KIF1C: variants seen among roughly 807,000 people sequenced by gnomAD.
KIF1C encodes kinesin family member 1C, also known as kinesin-like protein KIF1C.
In KIF1C, 61 loss-of-function variants were observed where a neutral mutation model predicts 126.5. The ratio of observed to expected loss-of-function variants is 0.48; its 90% CI spans 0.39 to 0.60. The LOEUF (loss-of-function observed/expected upper bound fraction) is 0.60. Among genes scored for constraint, KIF1C ranks in the 20% least tolerant of loss-of-function variants. The pLI is 0.00. For missense variants in KIF1C, 1,315 were observed against 1,489.2 expected (o/e 0.88, Z 1.93); for synonymous variants, 640 against 580.6 (o/e 1.10, Z -1.47).
At chr17:5,019,793 T>C (rs1271171502) in intron 18 of KIF1C, 1 of 593,364 alleles carries the variant, frequency 1.7e-6, no homozygotes, top group Non-Finnish European at 3.1e-6. Context: ...CTGGGAATTG[T>C]AGTTGGGGCT....
intron 16 of KIF1C, among the ~76,000 whole-genome samples, chr17:5,009,292 G>A (rs943923262): frequency 6.6e-6 from 1 of 151,522 alleles, no homozygotes; most frequent in Non-Finnish European, 1.5e-5. Context: ...CGATTCTTCT[G>A]CCTCAGCCTC....
intron 11 of KIF1C, 43 bp from the exon 12 acceptor site, chr17:5,004,524 G>A: frequency 1.3e-6 from 2 of 1,589,706 alleles, no homozygotes; most frequent in Non-Finnish European, 1.7e-6. Context: ...ACTTTGCTTA[G>A]CCCCTCCCTC....
chr17:5,006,331 G>A (rs998095647), intron 13 of KIF1C, among the ~76,000 whole-genome samples: 1 of 147,232 alleles, frequency 6.8e-6, no homozygotes, highest in Non-Finnish European at 1.5e-5. Flanking sequence ...CACTGTGTCC[G>A]GCCCAGCTAA....
chr17:5,019,090 C>T (rs755829467), intron 18 of KIF1C: 2 of 161,266 alleles, frequency 1.2e-5, no homozygotes, highest in Non-Finnish European at 2.9e-5. Flanking sequence ...AAGCTGAGTC[C>T]TCTGCTCTCC....
chr17:5,003,580 C>G (rs759249873), intron 8 of KIF1C, 32 bp from the exon 9 acceptor site: 2 of 1,548,258 alleles, frequency 1.3e-6, no homozygotes, highest in Admixed American at 1.8e-5. Flanking sequence ...CCCACCCGCA[C>G]CTTATCTCCT....
Position 5,024,956 on chromosome 17 carries a change from C to A in KIF1C, c.*805C>A, listed in dbSNP as rs1290419243. 1 of 152,016 alleles carries A rather than the reference C, an allele frequency of 6.6e-6. No homozygotes were observed. The highest frequency in any genetic ancestry group is 2.4e-5 in the African/African-American group (1 of 41,336). 9.4% of individuals were successfully genotyped at this position (152,016 alleles called of 1,614,324 possible). A position where few individuals can be genotyped will look rare whatever the true frequency, so the allele number is the denominator to read the frequency against. On this transcript the variant is annotated 3_prime_UTR_variant, in exon 23 of 23. Transcript: ENST00000320785. Reference sequence around the variant, plus strand: ...ACAGGGTCTTGCTTTGTTGCCCAGGCTGGAGGTACAGTCTTGGCTCACTGC... The same window carrying A: ...ACAGGGTCTTGCTTTGTTGCCCAGGATGGAGGTACAGTCTTGGCTCACTGC...
At chr17:5,017,052 C>T (rs1056386640) in intron 18 of KIF1C, among the ~76,000 whole-genome samples, 2 of 152,122 alleles carry the variant, frequency 1.3e-5, no homozygotes, top group African/African-American at 4.8e-5. Flanking sequence ...CAGTTCAGCC[C>T]AGTGAGTTAT....
Position 5,023,668 on chromosome 17 carries a change from G to A in KIF1C, c.2829G>A (p.Lys943=), listed in dbSNP as rs1597865754. ...GTCGTGGTCGTCTTCGCTGGCTCAA[G>A]CAGGAGCAGCTACGGCTGCAGGGAC... The part of the protein sequence containing the change: ...AFRRGRLRWL[K]QEQLRLQGLQ... The change falls in exon 23 of 23, where the codon AAG becomes AAA. Residue 943 remains lysine (K), a synonymous_variant. Transcript: ENST00000320785. The surrounding 1 kb of genome is among the most constrained non-coding windows in gnomAD (Gnocchi z 4.2). 6.2e-7 allele frequency: 1 copy of A among 1,609,772 alleles called. No individual in the cohort carries two copies. Among genetic ancestry groups the A allele is most frequent in the Non-Finnish European group, 8.5e-7 (1 of 1,177,594 alleles).
chr17:5,002,385 T>C (rs572965509), intron 6 of KIF1C, 79 bp from the exon 7 acceptor site: 29 of 1,340,646 alleles, frequency 2.2e-5, no homozygotes, highest in Non-Finnish European at 3.0e-5. Context: ...ACCTGGATCG[T>C]GTCCAGTGGA....
At chr17:5,002,315 T>G in intron 6 of KIF1C, 149 bp from the exon 7 acceptor site, 2 of 929,030 alleles carry the variant, frequency 2.2e-6, no homozygotes, top group Non-Finnish European at 3.4e-6. Context: ...TCCTGGCTTG[T>G]TGGGCAGGTC....
chr17:5,023,644 T>C lies in KIF1C; in HGVS notation c.2805T>C (p.Arg935=). The change falls in exon 23 of 23, where the codon CGT becomes CGC. Residue 935 remains arginine (R), a synonymous_variant. Transcript: ENST00000320785. The surrounding 1 kb of genome is among the most constrained non-coding windows in gnomAD (Gnocchi z 4.2). ...SRLMEEDPAF[R]RGRLRWLKQE... is the part of the protein sequence containing the mutation. ...TCATGGAGGAGGACCCTGCCTTCCG[T>C]CGTGGTCGTCTTCGCTGGCTCAAGC... is the stretch of plus-strand genomic sequence containing the variant. 1 of 1,612,852 alleles carries C rather than the reference T, an allele frequency of 6.2e-7. No homozygotes were observed. Among genetic ancestry groups the C allele is most frequent in the Non-Finnish European group, 8.5e-7 (1 of 1,179,520 alleles).
intron 13 of KIF1C, among the ~76,000 whole-genome samples, chr17:5,005,944 C>T (rs1433764983): frequency 1.3e-5 from 2 of 151,820 alleles, no homozygotes; most frequent in African/African-American, 2.4e-5. Context: ...CAGTGGCTCA[C>T]GCCTGTAATC....
chr17:5,008,660 GC>G (rs1974790511), intron 16 of KIF1C, among the ~76,000 whole-genome samples: 1 of 152,230 alleles, frequency 6.6e-6, no homozygotes, highest in South Asian at 2.1e-4. Context: ...GTTTTGCCTT[GC>G]CTGGCCCAAG....
chr17:5,022,665 C>A lies in KIF1C; in HGVS notation c.2584C>A (p.Arg862=). 1.3e-6 allele frequency: 2 copies of A among 1,591,696 alleles called. No individual in the cohort carries two copies. The highest frequency in any genetic ancestry group is 1.7e-6 in the Non-Finnish European group (2 of 1,168,588). ...SSKDRELQAL[R]DRMLRMERVI... is the part of the protein sequence containing the mutation. ...CAAGGACCGGGAGCTGCAGGCCCTG[C>A]GGGACCGCATGCTCCGCATGGAGAG... The change falls in exon 22 of 23, where the codon CGG becomes AGG. Residue 862 remains arginine, a synonymous_variant. Coordinates refer to ENST00000320785, the MANE Select transcript of KIF1C (RefSeq NM_006612.6). This position sits in a 1 kb window ranked among gnomAD's most constrained non-coding sequence, Gnocchi z 4.9.
Position 4,999,952 on chromosome 17 carries a change from T to C in KIF1C, c.-46T>C. The C allele has an allele frequency of 2.4e-6, 1 of 413,080 alleles. No homozygotes were observed. Among genetic ancestry groups the C allele is most frequent in the Non-Finnish European group, 4.5e-6 (1 of 222,710 alleles). 25.6% of individuals were successfully genotyped at this position (413,080 alleles called of 1,614,324 possible). On this transcript the variant is annotated 5_prime_UTR_variant, in exon 2 of 23. Coordinates refer to ENST00000320785, the MANE Select transcript of KIF1C (RefSeq NM_006612.6). ...GCCAGAACTGATACAGCCCCCCTGGTCTGGGGCCAGGACGCCAGGTAACTG... is the reference window on the plus strand; with the variant it reads ...GCCAGAACTGATACAGCCCCCCTGGCCTGGGGCCAGGACGCCAGGTAACTG...
Position 5,023,405 on chromosome 17 carries a change from C to T in KIF1C, c.2629-63C>T. On this transcript the variant is annotated intron_variant, in intron 22 of 22. Coordinates refer to ENST00000320785, the MANE Select transcript of KIF1C (RefSeq NM_006612.6). The surrounding 1 kb of genome is among the most constrained non-coding windows in gnomAD (Gnocchi z 4.2). ...AGCCACTCCAGGTCCCTCTTGAATC[C>T]ACATGTCCTGAGGATTCAGCTCTCC... is the stretch of plus-strand genomic sequence containing the variant. The T allele has an allele frequency of 7.1e-7, 1 of 1,404,156 alleles. No individual in the cohort carries two copies. Among genetic ancestry groups the T allele is most frequent in the Non-Finnish European group, 9.9e-7 (1 of 1,007,770 alleles). 87.0% of individuals were successfully genotyped at this position (1,404,156 alleles called of 1,614,324 possible).
chr17:5,022,424 GCTGTGTCGCA>G lies in KIF1C; in HGVS notation c.2345_2354del (p.Leu782ProfsTer23). 1 of 1,580,210 alleles carries G rather than the reference GCTGTGTCGCA, an allele frequency of 6.3e-7. No homozygotes were observed. On this transcript the variant is annotated frameshift_variant, in exon 22 of 23. Coordinates refer to ENST00000320785, the MANE Select transcript of KIF1C (RefSeq NM_006612.6). LOFTEE classifies it high-confidence loss of function. This position sits in a 1 kb window ranked among gnomAD's most constrained non-coding sequence, Gnocchi z 4.9. ...CCCTGGCCGCCCTCAAGATGCGGGAGCTGTGTCGCACCTATGGCAAGCCAGACGGCCCCGG... is the reference window on the plus strand; with the variant it reads ...CCCTGGCCGCCCTCAAGATGCGGGAGCCTATGGCAAGCCAGACGGCCCCGG...
At chr17:4,998,517 C>T (rs1597834680) in intron 1 of KIF1C, among the ~76,000 whole-genome samples, 1 of 152,206 alleles carries the variant, frequency 6.6e-6, no homozygotes, top group South Asian at 2.1e-4. Context: ...CCTGTCCCTA[C>T]CTCTATTCCC....
rs1370070467 is a variant in KIF1C at position 5,003,624 on chromosome 17, A to G, written c.733A>G (p.Ser245Gly). The G allele has an allele frequency of 3.7e-6, 6 of 1,612,768 alleles. No individual in the cohort carries two copies. The highest frequency in any genetic ancestry group is 5.1e-6 in the Non-Finnish European group (6 of 1,179,376). ...CCTCTGACCCCAGGTCAGTAAGATC[A>G]GTTTGGTGGACCTTGCTGGGAGTGA... ...GLDSEKVSKISLVDLAGSERA... is the reference protein window; with the variant it reads ...GLDSEKVSKIGLVDLAGSERA... The change falls in exon 9 of 23, where the codon AGT becomes GGT. Residue 245 changes from serine (S) to glycine (G), a missense_variant. Around this residue, in one of 2 missense-constraint regions of KIF1C, gnomAD observed 874 missense variants for 1,053.2 expected, o/e 0.83. Coordinates refer to ENST00000320785, the MANE Select transcript of KIF1C (RefSeq NM_006612.6).
Sources: gnomAD v4.1 joint callset for allele counts (sites outside exome capture counted in the v4.1 genomes callset) on GRCh38, gnomAD v4.1.1 for gene constraint, gnomAD v4.1.1 regional missense constraint, Gnocchi (gnomAD v3.1) non-coding constraint, MANE v1.5 for transcripts, NCBI Gene and HGNC (gene_info 2026-07-23, HGNC 2026-07-21) for gene names.